The following COL4A5 variants were observed in gnomAD, a reference collection of about 807,000 sequenced individuals.
COL4A5 encodes collagen type IV alpha 5 chain.
Under a neutral mutation model 130.2 loss-of-function variants are expected in COL4A5, and 26 were observed. The observed-to-expected ratio is 0.20, with a 90% CI of 0.15 to 0.28. The LOEUF (loss-of-function observed/expected upper bound fraction) is 0.28, where lower values mean the gene tolerates loss of function less well. Among genes scored for constraint, COL4A5 ranks in the 10% least tolerant of loss-of-function variants. The pLI is 1.00. For synonymous variants in COL4A5, 496 were observed against 439.6 expected, an observed-to-expected ratio of 1.13 and a Z score of -1.60; for missense variants, 1,131 against 1,344.3, an observed-to-expected ratio of 0.84 and a Z score of 2.48.
At chrX:108,562,327 T>TA (rs965637233) in intron 3 of COL4A5, among the ~76,000 whole-genome samples, 1 of 112,022 alleles carries the variant, frequency 8.9e-6, no homozygotes, top group African/African-American at 3.2e-5. Flanking sequence ...CAGGAAAAGT[T>TA]ACATTTCTTG....
intron 43 of COL4A5, among the ~76,000 whole-genome samples, chrX:108,676,382 TGCAA>T (rs2068302874): frequency 8.9e-6 from 1 of 111,744 alleles, no homozygotes. Context: ...CTGAACACTC[TGCAA>T]GCAAGTAACA....
rs150425599 is a variant in COL4A5, at chrX:108,472,922, C to T, written c.81+32716C>T. ...AAGGGCTCCCTTTTCTCCACATCCT[C>T]GCTAACATTCATCTTTTAGCTTTTT... On this transcript the variant is annotated intron_variant, in intron 1 of 52. Transcript: ENST00000328300. Among the ~76,000 whole-genome samples, 600 of 112,028 alleles carry T rather than the reference C, an allele frequency of 5.4e-3. 3 individuals carry two copies. The highest frequency in any genetic ancestry group is 0.018 in the African/African-American group (547 of 30,864).
chrX:108,663,688 C>T (rs1472045973), intron 37 of COL4A5, among the ~76,000 whole-genome samples: 7 of 109,282 alleles, frequency 6.4e-5, no homozygotes, highest in Admixed American at 9.9e-5. Flanking sequence ...CCATGACACA[C>T]GTTTACCTGT....
chrX:108,666,506 T>A lies in COL4A5; in HGVS notation c.3465T>A (p.Gly1155=). The A allele has an allele frequency of 8.3e-7, 1 of 1,205,121 alleles. No individual in the cohort carries two copies. Among genetic ancestry groups the A allele is most frequent in the Non-Finnish European group, 1.1e-6 (1 of 891,660 alleles). Residue 1155 remains glycine (G), a synonymous_variant, in exon 39 of 53, where the codon GGT becomes GGA. Transcript: ENST00000328300. ...TACTCAATTTTTTAGGTGGTGGAGG[T>A]CATCCTGGGCAACCAGGGCCTCCAG... ...PGEPGPVGGG[G]HPGQPGPPGE...
At chrX:108,679,514 T>C (rs1299917832) in intron 44 of COL4A5, among the ~76,000 whole-genome samples, 1 of 111,912 alleles carries the variant, frequency 8.9e-6, no homozygotes, top group Admixed American at 9.5e-5. Context: ...TGTTCCAGAT[T>C]TGGAAGCCCC....
chrX:108,615,258 T>C (rs2066906605), intron 30 of COL4A5, among the ~76,000 whole-genome samples: 1 of 111,904 alleles, frequency 8.9e-6, no homozygotes, highest in Non-Finnish European at 1.9e-5. Context: ...AATAATACAA[T>C]TGCAGTGTAT....
chrX:108,470,232 G>T (rs1055092682), intron 1 of COL4A5, among the ~76,000 whole-genome samples: 1 of 112,375 alleles, frequency 8.9e-6, no homozygotes, highest in African/African-American at 3.2e-5. Flanking sequence ...TTTTCACAGT[G>T]GCTGAACTAA....
At chrX:108,512,110 T>G (rs996459992) in intron 1 of COL4A5, among the ~76,000 whole-genome samples, 1 of 112,405 alleles carries the variant, frequency 8.9e-6, no homozygotes, top group Non-Finnish European at 1.9e-5. Flanking sequence ...ACATTTATAT[T>G]AATAACTAGG....
intron 1 of COL4A5, among the ~76,000 whole-genome samples, chrX:108,494,739 T>C (rs941825235): frequency 1.8e-5 from 2 of 111,483 alleles, no homozygotes; most frequent in Admixed American, 1.9e-4. Flanking sequence ...AGAGGCAGAT[T>C]CTATACTGAA....
intron 1 of COL4A5, among the ~76,000 whole-genome samples, chrX:108,507,835 C>T (rs2065141834): frequency 9.0e-6 from 1 of 111,441 alleles, no homozygotes; most frequent in Non-Finnish European, 1.9e-5. Flanking sequence ...AAAAACTCAA[C>T]ATTCCTTCAT....
In COL4A5 at chrX:108,532,322, C is replaced by T. The variant is rs946234064; in HGVS notation, c.82-7424C>T. ...TACATTACATCAACAGATTGAAGGACAAAACAATATGACCATCTCAATAGA... is the reference window on the plus strand; with the variant it reads ...TACATTACATCAACAGATTGAAGGATAAAACAATATGACCATCTCAATAGA... On this transcript the variant is annotated intron_variant, in intron 1 of 52. Coordinates refer to ENST00000328300, the MANE Select transcript of COL4A5 (RefSeq NM_033380.3). Among the ~76,000 whole-genome samples the T allele has an allele frequency of 4.5e-5, 5 of 111,413 alleles. No individual in the cohort carries two copies. In the Admixed American group the frequency reaches 4.8e-4, roughly 11 times the overall value.
chrX:108,631,014 A>G (rs769670988), intron 36 of COL4A5, among the ~76,000 whole-genome samples: 5 of 111,771 alleles, frequency 4.5e-5, no homozygotes, highest in African/African-American at 1.6e-4. Context: ...ATTGGTCTAC[A>G]TCTCTGTTTT....
intron 1 of COL4A5, among the ~76,000 whole-genome samples, chrX:108,455,930 G>A (rs1033647250): frequency 1.8e-5 from 2 of 111,283 alleles, no homozygotes; most frequent in African/African-American, 6.5e-5. Context: ...TCTTATTCAG[G>A]ATTGTGTTAG....
At position 108,626,366 on chromosome X, in the gene COL4A5, A is replaced by T. The variant is rs1240528046; in HGVS notation, c.3246+17A>T. 1 of 1,209,871 alleles carries T rather than the reference A, an allele frequency of 8.3e-7. No homozygotes were observed. The highest frequency in any genetic ancestry group is 2.2e-5 in the Admixed American group (1 of 45,914). The stretch of plus-strand genomic sequence containing the variant: ...GGTCCAAAGGTAATCTTTGGCATAT[A>T]GTTTTAGGCACATACTTGAGCAGAT... On this transcript the variant is annotated intron_variant, in intron 36 of 52. Coordinates refer to ENST00000328300, the MANE Select transcript of COL4A5 (RefSeq NM_033380.3).
chrX:108,622,442 T>G (rs2067074339), intron 32 of COL4A5, among the ~76,000 whole-genome samples: 1 of 112,117 alleles, frequency 8.9e-6, no homozygotes, highest in Non-Finnish European at 1.9e-5. Context: ...GATTAAGCAT[T>G]AATTTTTTTA....
intron 29 of COL4A5, among the ~76,000 whole-genome samples, chrX:108,613,769 A>C (rs2066878000): frequency 3.6e-5 from 4 of 111,927 alleles, no homozygotes; most frequent in Non-Finnish European, 7.5e-5. Context: ...GCCTTTTTTC[A>C]AAAAGGATAA....
chrX:108,674,173 G>A (rs1054819221), intron 42 of COL4A5, among the ~76,000 whole-genome samples: 3 of 111,328 alleles, frequency 2.7e-5, no homozygotes, highest in Non-Finnish European at 5.7e-5. Flanking sequence ...AATGGCCATC[G>A]TATATTCATG....
Position 108,614,994 on chromosome X carries a change from C to T in COL4A5, c.2479C>T (p.Pro827Ser). 2 of 1,208,376 alleles carry T rather than the reference C, an allele frequency of 1.7e-6. No homozygotes were observed. Among genetic ancestry groups the T allele is most frequent in the African/African-American group, 1.7e-5 (1 of 57,723 alleles). The change falls in exon 30 of 53, where the codon CCA becomes TCA. Residue 827 changes from proline (P) to serine (S), a missense_variant. Transcript: ENST00000328300. Reference sequence around the variant, plus strand: ...AGGTGTTCAGGGACCACCAGGACCACCAGGGATTCCTGGGCCAATAGGTCA... The same window carrying T: ...AGGTGTTCAGGGACCACCAGGACCATCAGGGATTCCTGGGCCAATAGGTCA... ...GIGVQGPPGP[P>S]GIPGPIGQPG...
Position 108,503,148 on chromosome X carries a change from T to C in COL4A5, c.82-36598T>C, listed in dbSNP as rs150196130. Among the ~76,000 whole-genome samples, 67 of 111,857 alleles carry C rather than the reference T, an allele frequency of 6.0e-4. 1 individual carries two copies. The East Asian group carries it at 0.017, about 29-fold the overall frequency. ...GTGGCTTGATCAGACTTAGTTTTGA[T>C]CTCTGGCAAGATTATAAGTGGTGTC... On this transcript the variant is annotated intron_variant, in intron 1 of 52. Transcript: ENST00000328300.
Sources: gnomAD v4.1 joint callset for allele counts (sites outside exome capture counted in the v4.1 genomes callset) on GRCh38, gnomAD v4.1.1 for gene constraint, MANE v1.5 for transcripts, NCBI Gene and HGNC (gene_info 2026-07-23, HGNC 2026-07-21) for gene names.